The following URB1 variants were observed in gnomAD, a reference collection of about 807,000 sequenced individuals.
URB1 encodes URB1 ribosome biogenesis factor, also known as nucleolar pre-ribosomal-associated protein 1.
Under a neutral mutation model 242.3 loss-of-function variants are expected in URB1, and 197 were observed. The observed-to-expected ratio is 0.81, with a 90% CI of 0.72 to 0.91. The LOEUF (loss-of-function observed/expected upper bound fraction) is 0.91, where lower values mean the gene tolerates loss of function less well. URB1 is among the 40% of genes least tolerant of loss of function. URB1 has a pLI of 0.00. For synonymous variants in URB1, 1,153 were observed against 1,201.8 expected (o/e 0.96, Z 0.84); for missense variants, 2,721 against 2,860.5 (o/e 0.95, Z 1.11).
At chr21:32,371,141 T>C (rs1165967475) in intron 8 of URB1, among the ~76,000 whole-genome samples, 1 of 152,190 alleles carries the variant, frequency 6.6e-6, no homozygotes, top group Admixed American at 6.5e-5. Context: ...GGAACCTGAA[T>C]GAAATGAATG....
intron 8 of URB1, 75 bp from the exon 9 acceptor site, chr21:32,368,673 A>G: frequency 7.8e-7 from 1 of 1,288,586 alleles, no homozygotes; most frequent in East Asian, 2.5e-5. Flanking sequence ...GGTGACGTGC[A>G]GCTCTGCAGA....
intron 8 of URB1, 46 bp downstream of exon 8, chr21:32,372,461 T>C: frequency 1.3e-6 from 2 of 1,539,046 alleles, no homozygotes; most frequent in Non-Finnish European, 1.7e-6. Flanking sequence ...TGGTGACTTC[T>C]GAGGAACATA....
chr21:32,333,925 A>C (rs1307860890), intron 29 of URB1, among the ~76,000 whole-genome samples: 1 of 152,228 alleles, frequency 6.6e-6, no homozygotes, highest in Admixed American at 6.5e-5. Flanking sequence ...GTGCTGCAAC[A>C]TAATCTCCTT....
chr21:32,352,814 A>C lies in URB1; in HGVS notation c.2509T>G (p.Tyr837Asp). Residue 837 changes from tyrosine to aspartate, a missense_variant, in exon 19 of 39, where the codon TAT becomes GAT. Coordinates refer to ENST00000382751, the MANE Select transcript of URB1 (RefSeq NM_014825.3). Reference protein sequence around the residue: ...PLALCLLLQAYDKLEPPCLVP... With the variant: ...PLALCLLLQADDKLEPPCLVP... The stretch of plus-strand genomic sequence containing the variant: ...AGGCATGGAGGCTCAAGCTTATCAT[A>C]TGCCTGGAGCAGGAGACACAGAGCC... 11 of 1,551,724 alleles carry C rather than the reference A, an allele frequency of 7.1e-6. No homozygotes were observed. The highest frequency in any genetic ancestry group is 9.6e-6 in the Non-Finnish European group (11 of 1,147,016).
chr21:32,353,531 C>A (rs1392195991), intron 18 of URB1, among the ~76,000 whole-genome samples: 1 of 152,192 alleles, frequency 6.6e-6, no homozygotes, highest in East Asian at 1.9e-4. Flanking sequence ...AGCCTGAGTT[C>A]TCCCAACCAA....
rs1431766140 is a variant in URB1 at position 32,383,494 on chromosome 21, G to A, written c.495C>T (p.Ala165=). 1 of 1,551,588 alleles carries A rather than the reference G, an allele frequency of 6.4e-7. No homozygotes were observed. The highest frequency in any genetic ancestry group is 2.4e-5 in the East Asian group (1 of 40,898). Residue 165 remains alanine, a synonymous_variant, in exon 4 of 39, where the codon GCC becomes GCT. Transcript: ENST00000382751. Reference sequence around the variant, plus strand: ...AATCAAAATGGCTGCAGACGTCCCTGGCAGCTTCCGGACCCTGGGTCACCA... The same window carrying A: ...AATCAAAATGGCTGCAGACGTCCCTAGCAGCTTCCGGACCCTGGGTCACCA... ...TAMVTQGPEA[A]RDVCSHFDLN... is the part of the protein sequence containing the mutation.
At chr21:32,331,637 G>A (rs1175236111) in intron 30 of URB1, among the ~76,000 whole-genome samples, 3 of 152,176 alleles carry the variant, frequency 2.0e-5, no homozygotes, top group African/African-American at 7.2e-5. Context: ...CACAAAGGCC[G>A]GAACAAAAGC....
At chr21:32,383,617 CCA>C in intron 3 of URB1, 63 bp from the exon 4 acceptor site, 8 of 1,446,394 alleles carry the variant, frequency 5.5e-6, no homozygotes, top group Non-Finnish European at 5.5e-6. Context: ...AGCCGCCTCA[CCA>C]CAAAGCCAGC....
intron 20 of URB1, 69 bp downstream of exon 20, chr21:32,350,635 G>C: frequency 6.6e-7 from 1 of 1,506,852 alleles, no homozygotes; most frequent in Non-Finnish European, 9.0e-7. Flanking sequence ...CTGTGGGCCC[G>C]ACTCAGAGAA....
chr21:32,357,328 A>AC (rs1343481449), intron 15 of URB1, among the ~76,000 whole-genome samples: 2 of 152,142 alleles, frequency 1.3e-5, no homozygotes, highest in African/African-American at 2.4e-5. Context: ...AAAAAAAAAA[A>AC]AAAACATTTT....
chr21:32,363,868 C>T (rs1024091807), intron 10 of URB1, among the ~76,000 whole-genome samples: 18 of 151,834 alleles, frequency 1.2e-4, no homozygotes, highest in East Asian at 3.9e-4. Context: ...TTGCCCAGGC[C>T]GGCCTCAACC....
chr21:32,371,548 C>G (rs1047172583), intron 8 of URB1, among the ~76,000 whole-genome samples: 5 of 152,158 alleles, frequency 3.3e-5, no homozygotes, highest in Non-Finnish European at 7.3e-5. Flanking sequence ...ACAGTGACCT[C>G]AGAATCAAAA....
At chr21:32,320,482 T>C (rs1162386742) in intron 35 of URB1, 49 bp downstream of exon 35, 1 of 1,369,798 alleles carries the variant, frequency 7.3e-7, no homozygotes, top group East Asian at 2.5e-5. Context: ...ATCGTTTCTG[T>C]TCCTTTCCTT....
At chr21:32,331,777 A>G (rs1054861800) in intron 30 of URB1, among the ~76,000 whole-genome samples, 1 of 152,246 alleles carries the variant, frequency 6.6e-6, no homozygotes, top group African/African-American at 2.4e-5. Flanking sequence ...GCAAAGGTGG[A>G]GCCTAGACTC....
At chr21:32,380,140 C>T (rs1205838340) in intron 4 of URB1, among the ~76,000 whole-genome samples, 3 of 152,174 alleles carry the variant, frequency 2.0e-5, no homozygotes, top group Admixed American at 6.5e-5. Flanking sequence ...CACTTTTTCT[C>T]AGGGTGCAAG....
intron 4 of URB1, 52 bp from the exon 5 acceptor site, chr21:32,378,593 A>C: frequency 1.4e-6 from 2 of 1,460,508 alleles, no homozygotes; most frequent in Admixed American, 2.0e-5. Flanking sequence ...CATACAGCCA[A>C]AGGAATCAGC....
rs755603404 is a variant in URB1, at chr21:32,333,473, CAGG to C, written c.4858-57_4858-55del. On this transcript the variant is annotated intron_variant, in intron 29 of 38. Coordinates refer to ENST00000382751, the MANE Select transcript of URB1 (RefSeq NM_014825.3). Reference sequence around the variant, plus strand: ...GTGATTCAACCTCACAAAGGTAATACAGGTTGAGTATCTCTTATCTGAAACACC... The same window carrying C: ...GTGATTCAACCTCACAAAGGTAATACTTGAGTATCTCTTATCTGAAACACC... 4.4e-4 allele frequency: 607 copies of C among 1,364,934 alleles called. 4 individuals carry two copies. The highest frequency in any genetic ancestry group is 8.3e-5 in the Non-Finnish European group (82 of 987,148). 84.6% of individuals were successfully genotyped at this position (1,364,934 alleles called of 1,614,324 possible). A position where few individuals can be genotyped will look rare whatever the true frequency, so the allele number is the denominator to read the frequency against.
intron 4 of URB1, among the ~76,000 whole-genome samples, chr21:32,381,474 T>C (rs1232547050): frequency 6.7e-6 from 1 of 149,062 alleles, no homozygotes; most frequent in Non-Finnish European, 1.5e-5. Flanking sequence ...TAAATAGCAT[T>C]TAAAAAAAAA....
At chr21:32,349,270 T>C in intron 21 of URB1, 34 bp downstream of exon 21, 1 of 1,494,398 alleles carries the variant, frequency 6.7e-7, no homozygotes. Flanking sequence ...CCCATGACTC[T>C]GAGAATAGGC....
Sources: allele counts gnomAD v4.1 joint callset (sites outside exome capture counted in the v4.1 genomes callset), GRCh38; gene constraint gnomAD v4.1.1; transcripts MANE v1.5; gene names NCBI Gene and HGNC (gene_info 2026-07-23, HGNC 2026-07-21).